SLC35F4: variants seen among roughly 807,000 people sequenced by gnomAD.
SLC35F4 encodes the protein chromosome 14 open reading frame 36.
In SLC35F4, 24 loss-of-function variants were observed where a neutral mutation model predicts 44.2. The observed-to-expected ratio is 0.54, with a 90% CI of 0.39 to 0.76. The LOEUF (loss-of-function observed/expected upper bound fraction) is 0.76, where lower values mean the gene tolerates loss of function less well. SLC35F4 is among the 30% of genes least tolerant of loss of function. The pLI, the probability that SLC35F4 is intolerant of heterozygous loss-of-function variation, is 0.00. For synonymous variants in SLC35F4, 238 were observed against 223.6 expected, an observed-to-expected ratio of 1.06 and a Z score of -0.57; for missense variants, 562 against 586.1, an observed-to-expected ratio of 0.96 and a Z score of 0.42.
chr14:57,610,201 G>A lies in SLC35F4; in HGVS notation c.104-16077C>T, dbSNP rs137868105. Among the ~76,000 whole-genome samples the A allele has an allele frequency of 9.2e-5, 14 of 152,230 alleles. 1 individual carries two copies. The highest frequency in any genetic ancestry group is 1.8e-4 in the Non-Finnish European group (12 of 68,030). On this transcript the variant is annotated intron_variant, in intron 1 of 7. Transcript: ENST00000556826. Reference sequence around the variant, plus strand: ...AGACTAAGTTTCTGCCTCAGTTCACGCTATATTAGGGAAAAGAGACTGAAA... The same window carrying A: ...AGACTAAGTTTCTGCCTCAGTTCACACTATATTAGGGAAAAGAGACTGAAA...
At chr14:57,744,452 A>G (rs76116484) in intron 1 of SLC35F4, among the ~76,000 whole-genome samples, 28,704 of 152,032 alleles carry the variant, frequency 0.19, 3,574 homozygotes, top group African/African-American at 0.36. Flanking sequence ...GGAGAGCCAA[A>G]TCATGAGTGA....
At chr14:57,593,599 G>A (rs1414029825) in intron 2 of SLC35F4, among the ~76,000 whole-genome samples, 4 of 152,178 alleles carry the variant, frequency 2.6e-5, no homozygotes, top group Non-Finnish European at 5.9e-5. Context: ...ACATTGTGCT[G>A]TTACTGAATC....
At chr14:57,645,951 C>G (rs904712579) in intron 1 of SLC35F4, among the ~76,000 whole-genome samples, 8 of 152,156 alleles carry the variant, frequency 5.3e-5, no homozygotes, top group Admixed American at 2.0e-4. Context: ...GTTGAACCAG[C>G]CTTGCATCCC....
intron 1 of SLC35F4, chr14:57,630,386 G>A (rs1278550598): frequency 1.5e-6 from 1 of 645,278 alleles, no homozygotes; most frequent in African/African-American, 1.8e-5. Flanking sequence ...TTCCAAATAT[G>A]ATAGATTCAA....
At chr14:57,894,780 C>G (rs1295151845) in intron 1 of SLC35F4, among the ~76,000 whole-genome samples, 1 of 152,076 alleles carries the variant, frequency 6.6e-6, no homozygotes, top group Admixed American at 6.6e-5. Context: ...CATGGTTGCA[C>G]TTGGTAAACT....
rs72711170 is a variant in SLC35F4 at position 57,665,138 on chromosome 14, C to G, written c.104-71014G>C. 6.2e-3 allele frequency among the ~76,000 whole-genome samples: 947 copies of G among 151,936 alleles called. 8 individuals are homozygous for G. Among genetic ancestry groups the G allele is most frequent in the Non-Finnish European group, 0.011 (747 of 67,970 alleles). On this transcript the variant is annotated intron_variant, in intron 1 of 7. Coordinates refer to ENST00000556826, the MANE Select transcript of SLC35F4 (RefSeq NM_001306087.2). ...ACATCAACCGCCCTCCCGCCCACCA[C>G]CACCCCGCACACACACACCTTAAAG...
At chr14:57,805,549 T>C (rs544018412) in intron 1 of SLC35F4, among the ~76,000 whole-genome samples, 1 of 152,068 alleles carries the variant, frequency 6.6e-6, no homozygotes, top group African/African-American at 2.4e-5. Context: ...TGTTCTTACT[T>C]GTAAGTGGGA....
chr14:57,899,678 G>C (rs1888957240), intron 1 of SLC35F4, among the ~76,000 whole-genome samples: 1 of 152,204 alleles, frequency 6.6e-6, no homozygotes, highest in Admixed American at 6.5e-5. Flanking sequence ...AGATAAAGCT[G>C]TTTGCTGAGG....
intron 1 of SLC35F4, among the ~76,000 whole-genome samples, chr14:57,848,234 A>C (rs1337556382): frequency 6.6e-6 from 1 of 152,168 alleles, no homozygotes; most frequent in African/African-American, 2.4e-5. Context: ...ATGGCTTCTT[A>C]ATCCCCACCC....
chr14:57,735,797 A>G (rs2076449672), intron 1 of SLC35F4, among the ~76,000 whole-genome samples: 1 of 151,230 alleles, frequency 6.6e-6, no homozygotes, highest in Non-Finnish European at 1.5e-5. Flanking sequence ...ATCATAGCTT[A>G]CTGCAACCTC....
chr14:57,589,071 T>C, intron 3 of SLC35F4, 145 bp downstream of exon 3: 1 of 803,330 alleles, frequency 1.2e-6, no homozygotes, highest in East Asian at 2.6e-5. Flanking sequence ...GGACTGATTC[T>C]GCTTCTAGTG....
intron 1 of SLC35F4, among the ~76,000 whole-genome samples, chr14:57,969,611 T>C (rs1880994974): frequency 6.6e-6 from 1 of 152,208 alleles, no homozygotes; most frequent in African/African-American, 2.4e-5. Flanking sequence ...TTTTAATATT[T>C]GGCAAACATT....
Position 57,720,834 on chromosome 14 carries a change from T to A in SLC35F4, c.104-126710A>T, listed in dbSNP as rs566022601. ...GACTAGTCTAGCCTCCCAGGCTACA[T>A]CTTTCTCTCATGCTGGATGCTTCCT... On this transcript the variant is annotated intron_variant, in intron 1 of 7. Coordinates refer to ENST00000556826, the MANE Select transcript of SLC35F4 (RefSeq NM_001306087.2). Among the ~76,000 whole-genome samples the A allele has an allele frequency of 5.3e-5, 8 of 151,964 alleles. No homozygotes were observed. In the South Asian group the frequency reaches 1.5e-3, roughly 28 times the overall value.
At chr14:57,643,473 C>T (rs148256139) in intron 1 of SLC35F4, among the ~76,000 whole-genome samples, 285 of 152,094 alleles carry the variant, frequency 1.9e-3, no homozygotes, top group African/African-American at 6.1e-3. Flanking sequence ...TTCAGTTTTG[C>T]CTGCTGGAAA....
chr14:57,694,661 T>C (rs567511858), intron 1 of SLC35F4, among the ~76,000 whole-genome samples: 1 of 152,322 alleles, frequency 6.6e-6, no homozygotes, highest in South Asian at 2.1e-4. Context: ...AATTTTCCAA[T>C]CTGTGAACAT....
chr14:57,683,171 T>C (rs889902813), intron 1 of SLC35F4, among the ~76,000 whole-genome samples: 2 of 152,222 alleles, frequency 1.3e-5, no homozygotes, highest in Non-Finnish European at 2.9e-5. Context: ...GTAAAACTAG[T>C]GCATTATTTT....
chr14:57,795,599 A>G (rs1012960307), intron 1 of SLC35F4, among the ~76,000 whole-genome samples: 3 of 152,212 alleles, frequency 2.0e-5, no homozygotes, highest in African/African-American at 7.2e-5. Flanking sequence ...AGCTACAGGA[A>G]AGTCACCCAG....
At chr14:57,930,457 A>G (rs1391019219) in intron 1 of SLC35F4, among the ~76,000 whole-genome samples, 1 of 152,128 alleles carries the variant, frequency 6.6e-6, no homozygotes, top group African/African-American at 2.4e-5. Context: ...CACCACGTGG[A>G]AACACCAGGC....
rs980047932 is a variant in SLC35F4, at chr14:57,663,886, C to A, written c.104-69762G>T. Among the ~76,000 whole-genome samples the A allele has an allele frequency of 6.7e-4, 102 of 152,212 alleles. 1 individual carries two copies. Among genetic ancestry groups the A allele is most frequent in the African/African-American group, 2.2e-3 (93 of 41,538 alleles). On this transcript the variant is annotated intron_variant, in intron 1 of 7. Coordinates refer to ENST00000556826, the MANE Select transcript of SLC35F4 (RefSeq NM_001306087.2). ...AAATTGGCAGTTCACAGGTGCTACACAATCTGCAGGCATGTTTCAGTTAGC... is the reference window on the plus strand; with the variant it reads ...AAATTGGCAGTTCACAGGTGCTACAAAATCTGCAGGCATGTTTCAGTTAGC...
Sources: allele counts gnomAD v4.1 joint callset (sites outside exome capture counted in the v4.1 genomes callset), GRCh38; gene constraint gnomAD v4.1.1; transcripts MANE v1.5; gene names NCBI Gene and HGNC (gene_info 2026-07-23, HGNC 2026-07-21).